The following CCDC68 variants were observed in gnomAD, a reference collection of about 807,000 sequenced individuals.
The protein encoded by CCDC68 is coiled-coil domain containing 68, also known as coiled-coil domain-containing protein 68.
CCDC68 carries 45 observed loss-of-function variants against 47.1 expected under a neutral mutation model. The ratio of observed to expected loss-of-function variants is 0.96; its 90% CI spans 0.75 to 1.23. The LOEUF is 1.23. Among genes scored for constraint, CCDC68 ranks in the 50% most tolerant of loss-of-function variants. CCDC68 has a pLI of 0.00. For synonymous variants in CCDC68, 131 were observed against 129.5 expected, an observed-to-expected ratio of 1.01 and a Z score of -0.08; for missense variants, 353 against 373.6, an observed-to-expected ratio of 0.94 and a Z score of 0.45.
At chr18:54,946,442 GT>G (rs1356988285) in intron 1 of CCDC68, among the ~76,000 whole-genome samples, 4 of 152,174 alleles carry the variant, frequency 2.6e-5, no homozygotes, top group African/African-American at 9.7e-5. Flanking sequence ...TTTTCCTCCA[GT>G]ACAGTACCCT....
rs2044461174 is a variant in CCDC68, at chr18:54,942,823, A to T, written c.-12-20T>A. The T allele has an allele frequency of 8.3e-6, 11 of 1,323,022 alleles. No individual in the cohort carries two copies. In the Middle Eastern group the frequency reaches 1.6e-3, roughly 197 times the overall value. The allele number at this position is 1,323,022 out of a possible 1,614,324, so 82.0% of individuals were successfully genotyped here. A position where few individuals can be genotyped will look rare whatever the true frequency, so the allele number is the denominator to read the frequency against. On this transcript the variant is annotated intron_variant, in intron 2 of 11. Transcript: ENST00000591504. Reference sequence around the variant, plus strand: ...TTCTGGCTTTAGGAAAACATAAATCAGCTAAGCAAAACAGACTGTTTTGAT... The same window carrying T: ...TTCTGGCTTTAGGAAAACATAAATCTGCTAAGCAAAACAGACTGTTTTGAT...
chr18:54,934,872 T>C lies in CCDC68; in HGVS notation c.548A>G (p.Glu183Gly), dbSNP rs1202266803. The C allele has an allele frequency of 6.2e-7, 1 of 1,604,392 alleles. No individual in the cohort carries two copies. Among genetic ancestry groups the C allele is most frequent in the Non-Finnish European group, 8.5e-7 (1 of 1,175,832 alleles). ...CAATTCTGTAATTTGACTGTGTTTT[T>C]CTTCAAGTTTTTCAGCAACTTGATT... ...NLNQVAEKLEEKHSQITELEN... is the reference protein window; with the variant it reads ...NLNQVAEKLEGKHSQITELEN... Residue 183 changes from glutamate (E) to glycine (G), a missense_variant, in exon 7 of 12, where the codon GAA (glutamate) becomes GGA (glycine). By Grantham distance (98) the Glu-to-Gly change is moderately conservative. Coordinates refer to ENST00000591504, the MANE Select transcript of CCDC68 (RefSeq NM_025214.3).
At chr18:54,938,118 T>C in intron 4 of CCDC68, 21 bp from the exon 5 acceptor site, 1 of 1,599,110 alleles carries the variant, frequency 6.3e-7, no homozygotes, top group East Asian at 2.2e-5. Context: ...CAAATGAAAA[T>C]CATAGACCTG....
At chr18:54,944,833 T>G (rs911822611) in intron 2 of CCDC68, among the ~76,000 whole-genome samples, 13 of 152,314 alleles carry the variant, frequency 8.5e-5, no homozygotes, top group African/African-American at 2.9e-4. Flanking sequence ...TTAGTGAATA[T>G]TTAATGAGGA....
At chr18:54,913,716 G>C (rs2043894685) in intron 10 of CCDC68, among the ~76,000 whole-genome samples, 1 of 152,098 alleles carries the variant, frequency 6.6e-6, no homozygotes, top group South Asian at 2.1e-4. Context: ...AGAAGGCTGA[G>C]GTAGGAGGAT....
At chr18:54,909,163 T>C (rs186525741) in intron 10 of CCDC68, among the ~76,000 whole-genome samples, 1 of 152,028 alleles carries the variant, frequency 6.6e-6, no homozygotes, top group Non-Finnish European at 1.5e-5. Flanking sequence ...ACTTCCCAGA[T>C]CTGGAAAGTG....
At chr18:54,941,508 A>G (rs2044437590) in intron 3 of CCDC68, among the ~76,000 whole-genome samples, 1 of 145,608 alleles carries the variant, frequency 6.9e-6, no homozygotes, top group Non-Finnish European at 1.5e-5. Context: ...AATAATTACT[A>G]TTAAGTAATT....
Position 54,903,320 on chromosome 18 carries a change from G to C in CCDC68, c.*1038C>G, listed in dbSNP as rs1230320886. 4 of 152,144 alleles carry C rather than the reference G, an allele frequency of 2.6e-5. No homozygotes were observed. The East Asian group carries it at 7.7e-4, about 29-fold the overall frequency. The allele number at this position is 152,144 out of a possible 1,614,324, so 9.4% of individuals were successfully genotyped here. ...ATTTAATTGAAGTTTGTTCTTTCCT[G>C]ACTGTATGTCTGCATTTCTGCAAGT... On this transcript the variant is annotated 3_prime_UTR_variant, in exon 12 of 12. Transcript: ENST00000591504.
In CCDC68 at chr18:54,922,238, C is replaced by A. The variant is rs562575774; in HGVS notation, c.684-2862G>T. Among the ~76,000 whole-genome samples, 4 of 152,204 alleles carry A rather than the reference C, an allele frequency of 2.6e-5. No homozygotes were observed. The South Asian group carries it at 6.2e-4, about 24-fold the overall frequency. On this transcript the variant is annotated intron_variant, in intron 8 of 11. Transcript: ENST00000591504. ...ACGGGAGACTGAGGAAATTTCAGCA[C>A]CCCCAGCGGGTAAGGTGCCACACCC... is the stretch of plus-strand genomic sequence containing the variant.
At chr18:54,917,465 T>G (rs1218760248) in intron 10 of CCDC68, among the ~76,000 whole-genome samples, 1 of 152,228 alleles carries the variant, frequency 6.6e-6, no homozygotes, top group Non-Finnish European at 1.5e-5. Context: ...TTACAGCAAG[T>G]ATTCTGGAAA....
intron 3 of CCDC68, 57 bp from the exon 4 acceptor site, chr18:54,941,140 T>C: frequency 8.7e-7 from 1 of 1,145,268 alleles, no homozygotes; most frequent in Non-Finnish European, 1.3e-6. Flanking sequence ...AAACGCTTTT[T>C]TTCTCAATAC....
At chr18:54,956,215 C>T (rs2145677236) in intron 1 of CCDC68, among the ~76,000 whole-genome samples, 1 of 152,268 alleles carries the variant, frequency 6.6e-6, no homozygotes, top group East Asian at 1.9e-4. Flanking sequence ...GTCTCGAATT[C>T]CTGACCTCGT....
chr18:54,950,770 ATTG>A (rs1360476485), intron 1 of CCDC68, among the ~76,000 whole-genome samples: 5 of 146,562 alleles, frequency 3.4e-5, no homozygotes, highest in East Asian at 4.2e-4. Context: ...TCACTGTGTT[ATTG>A]TTATTATCTT....
intron 2 of CCDC68, among the ~76,000 whole-genome samples, chr18:54,945,088 T>C (rs1198192728): frequency 1.3e-5 from 2 of 152,178 alleles, no homozygotes; most frequent in Non-Finnish European, 2.9e-5. Flanking sequence ...TACTGACATA[T>C]TTGCAGGTGA....
intron 8 of CCDC68, among the ~76,000 whole-genome samples, chr18:54,921,987 T>C (rs1391776182): frequency 2.6e-5 from 4 of 152,196 alleles, no homozygotes; most frequent in African/African-American, 4.8e-5. Context: ...CCTTGTTTTT[T>C]TTTCCATGGT....
intron 1 of CCDC68, among the ~76,000 whole-genome samples, chr18:54,950,422 G>T (rs2044593567): frequency 6.6e-6 from 1 of 151,896 alleles, no homozygotes; most frequent in Non-Finnish European, 1.5e-5. Flanking sequence ...GTGACATCCA[G>T]TGTCAGCTGG....
At chr18:54,910,349 G>A (rs991038424) in intron 10 of CCDC68, among the ~76,000 whole-genome samples, 6 of 152,224 alleles carry the variant, frequency 3.9e-5, no homozygotes, top group Admixed American at 6.5e-5. Flanking sequence ...TCAGTAGAGA[G>A]GAGGCCCTGG....
At chr18:54,912,962 C>T (rs111731642) in intron 10 of CCDC68, among the ~76,000 whole-genome samples, 2,464 of 152,230 alleles carry the variant, frequency 0.016, 66 homozygotes, top group African/African-American at 0.056. Context: ...CCACAGGGTC[C>T]CTCCCACAAC....
At chr18:54,924,528 G>C (rs1447714872) in intron 8 of CCDC68, among the ~76,000 whole-genome samples, 1 of 152,132 alleles carries the variant, frequency 6.6e-6, no homozygotes, top group Non-Finnish European at 1.5e-5. Context: ...AGGGAATTGA[G>C]GATTCTCTCT....
Sources: gnomAD v4.1 joint callset for allele counts (sites outside exome capture counted in the v4.1 genomes callset) on GRCh38, gnomAD v4.1.1 for gene constraint, MANE v1.5 for transcripts, NCBI Gene and HGNC (gene_info 2026-07-23, HGNC 2026-07-21) for gene names.